The following NPAS1 variants were observed in gnomAD, a reference collection of about 807,000 sequenced individuals.
NPAS1 encodes the protein neuronal PAS domain protein 1.
NPAS1 carries 29 observed loss-of-function variants against 49.2 expected under a neutral mutation model. The observed-to-expected ratio is 0.59, with a 90% CI of 0.44 to 0.80. The LOEUF (loss-of-function observed/expected upper bound fraction) is 0.80. NPAS1 is among the 30% of genes least tolerant of loss of function. NPAS1 has a pLI of 0.00. For synonymous variants in NPAS1, 408 were observed against 380.4 expected, an observed-to-expected ratio of 1.07 and a Z score of -0.84; for missense variants, 825 against 835.5, an observed-to-expected ratio of 0.99 and a Z score of 0.15.
In NPAS1 at chr19:47,032,654, CTT is replaced by C; in HGVS notation, c.446_447del (p.Phe149CysfsTer148). The C allele has an allele frequency of 6.2e-7, 1 of 1,614,116 alleles. No individual in the cohort carries two copies. Among genetic ancestry groups the C allele is most frequent in the Non-Finnish European group, 8.5e-7 (1 of 1,179,940 alleles). On this transcript the variant is annotated frameshift_variant, in exon 5 of 12. Coordinates refer to ENST00000602212, the MANE Select transcript of NPAS1 (RefSeq NM_002517.4). LOFTEE classifies it high-confidence loss of function. ...TCTCCCGGCTCTAGTCCCTGGATGG[CTT>C]TGTGTTCGCCTTGAACCAGGAAGGA... ...GGHILQSLDGFVFALNQEGKF... is the reference protein window; with the variant it reads ...GGHILQSLDGXVFALNQEGKF...
chr19:47,026,530 C>T (rs2056871755), intron 3 of NPAS1, among the ~76,000 whole-genome samples: 2 of 152,180 alleles, frequency 1.3e-5, no homozygotes, highest in South Asian at 4.1e-4. Flanking sequence ...TGGTGGAACA[C>T]AGGTGACATG....
At chr19:47,039,273 A>G in intron 7 of NPAS1, 122 bp downstream of exon 7, 1 of 1,466,584 alleles carries the variant, frequency 6.8e-7, no homozygotes, top group South Asian at 1.3e-5. Context: ...GGGTCTGGGA[A>G]TGGGACTGGG....
In NPAS1 at chr19:47,032,274, C is replaced by T. The variant is rs199982781; in HGVS notation, c.359-4C>T. 8.1e-6 allele frequency: 13 copies of T among 1,613,570 alleles called. No homozygotes were observed. The African/African-American group carries it at 9.3e-5, about 12-fold the overall frequency. ...AACAGGCTTCATCCTTCCATCTGCC[C>T]CAGCCCCAGGCCGCCGCGGCCCCGC... On this transcript the variant is annotated splice_polypyrimidine_tract_variant and splice_region_variant and intron_variant, in intron 3 of 11. Transcript: ENST00000602212.
At position 47,045,590 on chromosome 19, in the gene NPAS1, C is replaced by T. The variant is rs2057070695; in HGVS notation, c.1712C>T (p.Pro571Leu). The change falls in exon 12 of 12, where the codon CCG becomes CTG. Residue 571 changes from proline (P) to leucine (L), a missense_variant. Physicochemically the swap from Pro to Leu is moderately conservative, Grantham distance 98. Transcript: ENST00000602212. ...PGPALPEAFY[P>L]PLGLPYPGPA... Reference sequence around the variant, plus strand: ...CCCGCGCTCCCGGAGGCCTTTTACCCGCCCCTGGGCCTGCCCTACCCGGGG... The same window carrying T: ...CCCGCGCTCCCGGAGGCCTTTTACCTGCCCCTGGGCCTGCCCTACCCGGGG... 6.1e-6 allele frequency: 9 copies of T among 1,476,986 alleles called. No individual in the cohort carries two copies. Among genetic ancestry groups the T allele is most frequent in the Admixed American group, 5.1e-5 (2 of 38,984 alleles). 91.5% of individuals were successfully genotyped at this position (1,476,986 alleles called of 1,614,324 possible). A position where few individuals can be genotyped will look rare whatever the true frequency, so the allele number is the denominator to read the frequency against.
At chr19:47,024,569 T>A (rs2056860134) in intron 3 of NPAS1, among the ~76,000 whole-genome samples, 1 of 152,162 alleles carries the variant, frequency 6.6e-6, no homozygotes, top group Non-Finnish European at 1.5e-5. Context: ...ATTCCCAAGT[T>A]ACAGAAGTGT....
chr19:47,029,971 A>C (rs754262012), intron 3 of NPAS1, among the ~76,000 whole-genome samples: 1 of 152,104 alleles, frequency 6.6e-6, no homozygotes, highest in Admixed American at 6.6e-5. Flanking sequence ...CAATTTCACC[A>C]CATCCTTACC....
chr19:47,021,134 A>C lies in NPAS1; in HGVS notation c.87A>C (p.Leu29=). 1 of 1,596,342 alleles carries C rather than the reference A, an allele frequency of 6.3e-7. No homozygotes were observed. Among genetic ancestry groups the C allele is most frequent in the Non-Finnish European group, 8.5e-7 (1 of 1,172,746 alleles). The change falls in exon 2 of 12, where the codon CTA becomes CTC. Residue 29 remains leucine, a synonymous_variant. Transcript: ENST00000602212. This position sits in a 1 kb window ranked among gnomAD's most constrained non-coding sequence, Gnocchi z 5.7. ...GCGCCAGCGTCCCCTGGGACTTTCT[A>C]CCCGGGCTGATGGTCAAGGCGCCGT... The part of the protein sequence containing the change: ...GRGASVPWDF[L]PGLMVKAPSG...
At chr19:47,043,628 G>A (rs1410862143) in intron 11 of NPAS1, among the ~76,000 whole-genome samples, 1 of 152,030 alleles carries the variant, frequency 6.6e-6, no homozygotes, top group African/African-American at 2.4e-5. Flanking sequence ...ATGGTGGCAC[G>A]TGCCTGTAGT....
chr19:47,030,090 C>G (rs937542074), intron 3 of NPAS1, among the ~76,000 whole-genome samples: 1 of 152,200 alleles, frequency 6.6e-6, no homozygotes, highest in Admixed American at 6.5e-5. Flanking sequence ...GTGGTGTGAT[C>G]TCAGCTCACT....
At position 47,021,354 on chromosome 19, in the gene NPAS1, C is replaced by G. The variant is rs576573408; in HGVS notation, c.122+185C>G. On this transcript the variant is annotated intron_variant, in intron 2 of 11. Transcript: ENST00000602212. The surrounding 1 kb of genome is among the most constrained non-coding windows in gnomAD (Gnocchi z 5.7). ...GTCCCCTGCGTTCTGCTTCTAGTCCCGGTCCTCAGAATTCACGCCCAACAT... is the reference window on the plus strand; with the variant it reads ...GTCCCCTGCGTTCTGCTTCTAGTCCGGGTCCTCAGAATTCACGCCCAACAT... Among the ~76,000 whole-genome samples, 1 of 152,246 alleles carries G rather than the reference C, an allele frequency of 6.6e-6. No individual in the cohort carries two copies. The highest frequency in any genetic ancestry group is 1.5e-5 in the Non-Finnish European group (1 of 68,042).
At chr19:47,023,881 C>T (rs1311183550) in intron 3 of NPAS1, among the ~76,000 whole-genome samples, 2 of 152,080 alleles carry the variant, frequency 1.3e-5, no homozygotes, top group African/African-American at 2.4e-5. Context: ...CCAAGGCGGG[C>T]AGATCACGAG....
intron 7 of NPAS1, 83 bp downstream of exon 7, chr19:47,039,234 T>C (rs1487829774): frequency 1.8e-5 from 27 of 1,473,716 alleles, no homozygotes; most frequent in Non-Finnish European, 2.5e-5. Context: ...GGCTGGTGGC[T>C]TCACTGGCTG....
At chr19:47,028,297 C>T (rs1245794077) in intron 3 of NPAS1, among the ~76,000 whole-genome samples, 9 of 152,030 alleles carry the variant, frequency 5.9e-5, no homozygotes, top group Admixed American at 5.2e-4. Flanking sequence ...GTCAACCCCC[C>T]AGCCCCCCAG....
At chr19:47,025,146 G>A (rs1255139402) in intron 3 of NPAS1, among the ~76,000 whole-genome samples, 1 of 135,602 alleles carries the variant, frequency 7.4e-6, no homozygotes, top group African/African-American at 2.5e-5. Flanking sequence ...GACACTCTCT[G>A]TATTTATCTT....
At position 47,039,439 on chromosome 19, in the gene NPAS1, C is replaced by T. The variant is rs774293734; in HGVS notation, c.837C>T (p.His279=). ...VIHVTGRLRA[H]ALGLVALGHT... Reference sequence around the variant, plus strand: ...ACGTGACTGGGCGCCTTCGGGCCCACGCCCTGGGCCTTGTGGCCCTCGGGC... The same window carrying T: ...ACGTGACTGGGCGCCTTCGGGCCCATGCCCTGGGCCTTGTGGCCCTCGGGC... The change falls in exon 8 of 12, where the codon CAC becomes CAT. Residue 279 remains histidine (H), a synonymous_variant. Transcript: ENST00000602212. 9.9e-6 allele frequency: 16 copies of T among 1,611,826 alleles called. No individual in the cohort carries two copies. The highest frequency in any genetic ancestry group is 2.1e-4 in the Middle Eastern group (1 of 4,724).
At chr19:47,028,410 G>T (rs1303472242) in intron 3 of NPAS1, among the ~76,000 whole-genome samples, 1 of 152,114 alleles carries the variant, frequency 6.6e-6, no homozygotes, top group Non-Finnish European at 1.5e-5. Flanking sequence ...ACACTAGGGG[G>T]CTGGGGAGGC....
At chr19:47,040,592 C>G in intron 9 of NPAS1, 42 bp downstream of exon 9, 1 of 1,358,650 alleles carries the variant, frequency 7.4e-7, no homozygotes, top group Non-Finnish European at 1.0e-6. Flanking sequence ...TACCACCCCC[C>G]AGACCCGAGC....
rs1042179679 is a variant in NPAS1 at position 47,042,891 on chromosome 19, G to A, written c.1299G>A (p.Gly433=). The change falls in exon 11 of 12, where the codon GGG becomes GGA. Residue 433 remains glycine, a synonymous_variant. Transcript: ENST00000602212. ...SVACEEASSP[G]PEPTEPEPPT... The stretch of plus-strand genomic sequence containing the variant: ...CCTGTGAGGAGGCATCCAGCCCGGG[G>A]CCAGAGCCCACAGGTGAGCCCCACC... The A allele has an allele frequency of 1.9e-6, 3 of 1,600,602 alleles. No homozygotes were observed. The highest frequency in any genetic ancestry group is 1.3e-5 in the African/African-American group (1 of 74,192).
chr19:47,025,989 G>C, intron 3 of NPAS1, among the ~76,000 whole-genome samples: 1 of 152,012 alleles, frequency 6.6e-6, no homozygotes, highest in East Asian at 1.9e-4. Context: ...ACCCAGGCTG[G>C]AGTGCAGTGG....
Sources: gnomAD v4.1 joint callset for allele counts (sites outside exome capture counted in the v4.1 genomes callset) on GRCh38, gnomAD v4.1.1 for gene constraint, Gnocchi (gnomAD v3.1) non-coding constraint, MANE v1.5 for transcripts, NCBI Gene and HGNC (gene_info 2026-07-23, HGNC 2026-07-21) for gene names.